DROSHA: variants seen among roughly 807,000 people sequenced by gnomAD.
DROSHA encodes ribonuclease 3.
A neutral mutation model predicts 181.9 loss-of-function variants in DROSHA; 56 were observed. The ratio of observed to expected loss-of-function variants is 0.31; its 90% CI spans 0.25 to 0.38. The LOEUF (loss-of-function observed/expected upper bound fraction) is 0.38. Ranked by LOEUF, DROSHA falls within the 10% of genes least tolerant of loss-of-function variation. The probability of loss-of-function intolerance (pLI) is 1.00; values close to 1 mark genes in which losing one functional copy is unlikely to be tolerated. For missense variants in DROSHA, 1,218 were observed against 1,743.5 expected (o/e 0.70, Z 5.37); for synonymous variants, 524 against 591.2 (o/e 0.89, Z 1.65).
At chr5:31,511,925 A>T (rs1203580315) in intron 8 of DROSHA, among the ~76,000 whole-genome samples, 5 of 146,820 alleles carry the variant, frequency 3.4e-5, no homozygotes, top group Non-Finnish European at 7.6e-5. Flanking sequence ...TCTCTCTCAC[A>T]CACACGCACA....
rs560387767 is a variant in DROSHA at position 31,436,798 on chromosome 5, T to A, written c.2942+441A>T. On this transcript the variant is annotated intron_variant, in intron 24 of 35. Transcript: ENST00000344624. ...CACACACACACACACACACACACAC[T>A]AGAAAATCTGGTCATTAAAATTACT... 1.0e-4 allele frequency among the ~76,000 whole-genome samples: 13 copies of A among 130,074 alleles called. No individual in the cohort carries two copies. In the South Asian group the frequency reaches 3.0e-3, roughly 31 times the overall value. 85.3% of individuals were successfully genotyped at this position (130,074 alleles called of 152,430 possible). A position where few individuals can be genotyped will look rare whatever the true frequency, so the allele number is the denominator to read the frequency against.
At position 31,422,846 on chromosome 5, in the gene DROSHA, A is replaced by G. The variant is rs1742927461; in HGVS notation, c.3360T>C (p.His1120=). 3.7e-6 allele frequency: 6 copies of G among 1,613,790 alleles called. No homozygotes were observed. The highest frequency in any genetic ancestry group is 5.1e-6 in the Non-Finnish European group (6 of 1,179,782). ...TGAATGCCCTTGCCAGAAGTCGAACATGAGTAAAAATTACTCCAATTGCTT... is the reference window on the plus strand; with the variant it reads ...TGAATGCCCTTGCCAGAAGTCGAACGTGAGTAAAAATTACTCCAATTGCTT... ...FEEAIGVIFT[H]VRLLARAFTL... is the part of the protein sequence containing the mutation. The change falls in exon 29 of 36, where the codon CAT becomes CAC. Residue 1120 remains histidine, a synonymous_variant. Transcript: ENST00000344624.
chr5:31,448,140 A>T (rs1466108909), intron 23 of DROSHA, among the ~76,000 whole-genome samples: 1 of 152,266 alleles, frequency 6.6e-6, no homozygotes, highest in Non-Finnish European at 1.5e-5. Context: ...AAAATATGAT[A>T]TGCCCATATC....
intron 10 of DROSHA, among the ~76,000 whole-genome samples, chr5:31,506,332 C>T (rs1358909908): frequency 6.8e-6 from 1 of 148,036 alleles, no homozygotes; most frequent in Admixed American, 6.9e-5. Flanking sequence ...CACGGCACTC[C>T]AGCCTGGGCG....
At chr5:31,439,300 T>C (rs1015267532) in intron 23 of DROSHA, among the ~76,000 whole-genome samples, 3 of 152,332 alleles carry the variant, frequency 2.0e-5, no homozygotes, top group East Asian at 3.9e-4. Context: ...TCCCACCCTA[T>C]TCCACCTGGG....
At chr5:31,468,230 C>T (rs1264095230) in intron 17 of DROSHA, among the ~76,000 whole-genome samples, 167 bp from the exon 18 acceptor site, 3 of 152,218 alleles carry the variant, frequency 2.0e-5, no homozygotes, top group Non-Finnish European at 4.4e-5. Flanking sequence ...TATCTAAAAA[C>T]TATAATGTCA....
intron 5 of DROSHA, among the ~76,000 whole-genome samples, chr5:31,522,614 T>C (rs1261251692): frequency 6.6e-6 from 1 of 152,210 alleles, no homozygotes; most frequent in Admixed American, 6.5e-5. Context: ...AGAAAAGCTA[T>C]GTTTGTGTTA....
chr5:31,491,236 G>C (rs773554562), intron 13 of DROSHA, among the ~76,000 whole-genome samples: 3 of 150,000 alleles, frequency 2.0e-5, no homozygotes, highest in Non-Finnish European at 4.4e-5. Flanking sequence ...AGCTCTGTCT[G>C]AAATCCTTTC....
intron 4 of DROSHA, among the ~76,000 whole-genome samples, chr5:31,528,498 T>G (rs1740856062): frequency 1.3e-5 from 2 of 152,288 alleles, no homozygotes; most frequent in East Asian, 3.9e-4. Context: ...CCCCCATCCT[T>G]AGCTAAAAAT....
rs180734777 is a variant in DROSHA at position 31,507,993 on chromosome 5, A to C, written c.1587+628T>G. On this transcript the variant is annotated intron_variant, in intron 10 of 35. Transcript: ENST00000344624. ...AGAATGTTATAAATTTACTCACAAA[A>C]TATAAATTTTAAATTATCTTTTTAC... Among the ~76,000 whole-genome samples, 221 of 152,314 alleles carry C rather than the reference A, an allele frequency of 1.5e-3. 1 individual carries two copies. Among genetic ancestry groups the C allele is most frequent in the African/African-American group, 5.2e-3 (217 of 41,582 alleles).
At chr5:31,461,885 A>G (rs1045666239) in intron 20 of DROSHA, among the ~76,000 whole-genome samples, 9 of 151,990 alleles carry the variant, frequency 5.9e-5, no homozygotes, top group Admixed American at 6.6e-5. Flanking sequence ...TACTTTCACA[A>G]CCCCAAGAAT....
intron 16 of DROSHA, among the ~76,000 whole-genome samples, chr5:31,478,392 T>C (rs1033108897): frequency 1.3e-5 from 2 of 152,238 alleles, no homozygotes; most frequent in African/African-American, 4.8e-5. Flanking sequence ...CTGGGCCATA[T>C]GTGGCCCATG....
chr5:31,413,944 G>A (rs1050495310), intron 30 of DROSHA, among the ~76,000 whole-genome samples: 3 of 152,332 alleles, frequency 2.0e-5, no homozygotes, highest in East Asian at 3.9e-4. Flanking sequence ...GGTGGATTCT[G>A]ATGAACACAG....
At chr5:31,407,063 A>G in intron 33 of DROSHA, 118 bp from the exon 34 acceptor site, 8 of 644,208 alleles carry the variant, frequency 1.2e-5, no homozygotes, top group Non-Finnish European at 1.9e-5. Context: ...AAATAACAGG[A>G]AATGTGAAAA....
At chr5:31,444,317 A>C (rs545714616) in intron 23 of DROSHA, among the ~76,000 whole-genome samples, 173 of 152,182 alleles carry the variant, frequency 1.1e-3, no homozygotes, top group Non-Finnish European at 2.1e-3. Flanking sequence ...CAAAAAGATC[A>C]TATTCAAGGA....
rs757151222 is a variant in DROSHA, at chr5:31,504,651, T to C, written c.1588-16A>G. ...CATCATTCATCTGTCAGAAACACAATGTAATTCGTTTTTATTGGAGGGAAA... is the reference window on the plus strand; with the variant it reads ...CATCATTCATCTGTCAGAAACACAACGTAATTCGTTTTTATTGGAGGGAAA... On this transcript the variant is annotated splice_polypyrimidine_tract_variant and intron_variant, in intron 10 of 35. Coordinates refer to ENST00000344624, the MANE Select transcript of DROSHA (RefSeq NM_001382508.1). The C allele has an allele frequency of 3.8e-5, 62 of 1,613,442 alleles. No individual in the cohort carries two copies. The South Asian group carries it at 5.8e-4, about 15-fold the overall frequency.
chr5:31,493,451 C>T (rs1041194978), intron 12 of DROSHA, among the ~76,000 whole-genome samples, 158 bp from the exon 13 acceptor site: 2 of 152,216 alleles, frequency 1.3e-5, no homozygotes, highest in Admixed American at 1.3e-4. Context: ...ATGAAATTAT[C>T]CGGCTTCAGA....
At chr5:31,465,095 G>A (rs1748855033) in intron 19 of DROSHA, among the ~76,000 whole-genome samples, 1 of 152,076 alleles carries the variant, frequency 6.6e-6, no homozygotes, top group Admixed American at 6.6e-5. Context: ...ACTTCAGTCA[G>A]CCTCTCAACC....
chr5:31,525,503 CAAAAA>C (rs397970711), intron 5 of DROSHA, among the ~76,000 whole-genome samples: 1 of 36,156 alleles, frequency 2.8e-5, no homozygotes, highest in African/African-American at 9.0e-5. Flanking sequence ...GATTCTGTCA[CAAAAA>C]AAAAAAAAAA....
Sources: gnomAD v4.1 joint callset for allele counts (sites outside exome capture counted in the v4.1 genomes callset) on GRCh38, gnomAD v4.1.1 for gene constraint, MANE v1.5 for transcripts, NCBI Gene and HGNC (gene_info 2026-07-23, HGNC 2026-07-21) for gene names.